Variants in PLCL1 observed in about 807,000 individuals in gnomAD.
PLCL1 encodes inactive phospholipase C-like protein 1.
In PLCL1, 41 loss-of-function variants were observed where a neutral mutation model predicts 84.4. The ratio of observed to expected loss-of-function variants is 0.49; its 90% confidence interval spans 0.38 to 0.63. The LOEUF (loss-of-function observed/expected upper bound fraction) is 0.63, where lower values mean the gene tolerates loss of function less well. PLCL1 is among the 30% of genes least tolerant of loss of function. PLCL1 has a pLI of 0.00. For synonymous variants in PLCL1, 490 were observed against 488.3 expected (o/e 1.00, Z -0.05); for missense variants, 1,206 against 1,367.8 (o/e 0.88, Z 1.87).
chr2:197,941,423 C>G (rs951827520), intron 1 of PLCL1, among the ~76,000 whole-genome samples: 1 of 152,040 alleles, frequency 6.6e-6, no homozygotes, highest in Admixed American at 6.5e-5. Context: ...TCCCAAGTAG[C>G]TGGGGCTGCA....
At chr2:197,897,707 T>C (rs533769144) in intron 1 of PLCL1, among the ~76,000 whole-genome samples, 2 of 152,320 alleles carry the variant, frequency 1.3e-5, no homozygotes, top group Admixed American at 1.3e-4. Flanking sequence ...CAGGTGAATA[T>C]GCATTAAAGG....
chr2:198,118,525 G>A (rs1356262991), intron 5 of PLCL1, among the ~76,000 whole-genome samples: 1 of 151,972 alleles, frequency 6.6e-6, no homozygotes, highest in Non-Finnish European at 1.5e-5. Flanking sequence ...CTGAACTACA[G>A]GAGACTTGAA....
chr2:198,039,055 A>G (rs1375241751), intron 1 of PLCL1, among the ~76,000 whole-genome samples: 1 of 152,146 alleles, frequency 6.6e-6, no homozygotes, highest in Non-Finnish European at 1.5e-5. Context: ...ATGACTGCTT[A>G]AAAACAAACC....
chr2:197,827,941 C>G (rs1333208871), intron 1 of PLCL1, among the ~76,000 whole-genome samples: 1 of 144,056 alleles, frequency 6.9e-6, no homozygotes, highest in East Asian at 2.0e-4. Flanking sequence ...GTTTCTATTA[C>G]TCTCACAGAT....
At chr2:198,004,432 T>C (rs953732157) in intron 1 of PLCL1, among the ~76,000 whole-genome samples, 1 of 152,196 alleles carries the variant, frequency 6.6e-6, no homozygotes, top group Admixed American at 6.5e-5. Context: ...CTTTATTGCA[T>C]TGACTGTGTC....
At chr2:197,848,863 A>G (rs903838246) in intron 1 of PLCL1, among the ~76,000 whole-genome samples, 1 of 152,126 alleles carries the variant, frequency 6.6e-6, no homozygotes, top group African/African-American at 2.4e-5. Flanking sequence ...GACAAGTACT[A>G]CCAGTCCTGG....
intron 1 of PLCL1, among the ~76,000 whole-genome samples, chr2:197,833,386 T>C (rs1254916789): frequency 1.3e-5 from 2 of 152,176 alleles, no homozygotes; most frequent in Non-Finnish European, 2.9e-5. Flanking sequence ...GGACATCAAG[T>C]TGTCTCTGTT....
chr2:197,979,576 G>A (rs952356235), intron 1 of PLCL1, among the ~76,000 whole-genome samples: 2 of 152,108 alleles, frequency 1.3e-5, no homozygotes, highest in Non-Finnish European at 2.9e-5. Flanking sequence ...CTCTGCTTAC[G>A]CACATTTTCT....
At chr2:198,119,206 T>C (rs1254060918) in intron 5 of PLCL1, among the ~76,000 whole-genome samples, 2 of 147,432 alleles carry the variant, frequency 1.4e-5, no homozygotes, top group East Asian at 2.0e-4. Context: ...TCAAATCTAA[T>C]ACATCCTTCT....
intron 1 of PLCL1, among the ~76,000 whole-genome samples, chr2:197,910,100 A>C (rs535185392): frequency 6.6e-6 from 1 of 152,350 alleles, no homozygotes; most frequent in South Asian, 2.1e-4. Context: ...ACAGGGATTT[A>C]GGTGAGGATT....
At chr2:198,124,619 A>G (rs559772696) in intron 5 of PLCL1, among the ~76,000 whole-genome samples, 1 of 152,214 alleles carries the variant, frequency 6.6e-6, no homozygotes, top group East Asian at 1.9e-4. Flanking sequence ...TCATTCAAAA[A>G]ACACAAACAA....
rs545828344 is a variant in PLCL1 at position 197,824,421 on chromosome 2, G to A, written c.240+19082G>A. Reference sequence around the variant, plus strand: ...GTAAAATTTGTGCTATATGCAAAACGTGAATGAAAACTTAAGTATTTAAAA... The same window carrying A: ...GTAAAATTTGTGCTATATGCAAAACATGAATGAAAACTTAAGTATTTAAAA... On this transcript the variant is annotated intron_variant, in intron 1 of 5. Transcript: ENST00000428675. 4.6e-5 allele frequency among the ~76,000 whole-genome samples: 7 copies of A among 151,634 alleles called. No individual in the cohort carries two copies. The South Asian group carries it at 1.3e-3, about 27-fold the overall frequency.
chr2:198,125,296 A>G (rs1469988929), intron 5 of PLCL1, among the ~76,000 whole-genome samples: 1 of 152,068 alleles, frequency 6.6e-6, no homozygotes, highest in Non-Finnish European at 1.5e-5. Flanking sequence ...TAGTCTTATG[A>G]GTATTGGGGT....
intron 1 of PLCL1, among the ~76,000 whole-genome samples, chr2:197,945,853 T>A (rs1689261245): frequency 6.6e-6 from 1 of 152,164 alleles, no homozygotes; most frequent in South Asian, 2.1e-4. Context: ...TTAACACCTG[T>A]CCAGTTATTA....
chr2:198,080,570 A>T (rs1350870133), intron 1 of PLCL1, among the ~76,000 whole-genome samples: 1 of 152,222 alleles, frequency 6.6e-6, no homozygotes, highest in Non-Finnish European at 1.5e-5. Flanking sequence ...TGGCTACTGA[A>T]AGAACAGCGT....
At chr2:197,863,313 C>T (rs898731599) in intron 1 of PLCL1, among the ~76,000 whole-genome samples, 3 of 151,824 alleles carry the variant, frequency 2.0e-5, no homozygotes, top group Non-Finnish European at 2.9e-5. Flanking sequence ...AATGTTTTCT[C>T]CATTAAAAAT....
At chr2:197,974,259 G>C (rs577992107) in intron 1 of PLCL1, among the ~76,000 whole-genome samples, 1 of 152,306 alleles carries the variant, frequency 6.6e-6, no homozygotes, top group Non-Finnish European at 1.5e-5. Flanking sequence ...AAAGATATCA[G>C]ACAGGCAGCT....
chr2:198,053,307 T>G (rs1190927715), intron 1 of PLCL1, among the ~76,000 whole-genome samples: 1 of 152,240 alleles, frequency 6.6e-6, no homozygotes, highest in Non-Finnish European at 1.5e-5. Context: ...TCCTAGCTCT[T>G]TCCCAGCTGG....
At chr2:198,144,430 G>A (rs1289072280) in intron 5 of PLCL1, among the ~76,000 whole-genome samples, 7 of 152,098 alleles carry the variant, frequency 4.6e-5, no homozygotes, top group African/African-American at 7.2e-5. Flanking sequence ...TCTGGTAGAT[G>A]CATTTTAAAT....
Sources: allele counts gnomAD v4.1 joint callset (sites outside exome capture counted in the v4.1 genomes callset), GRCh38; gene constraint gnomAD v4.1.1; transcripts MANE v1.5; gene names NCBI Gene and HGNC (gene_info 2026-07-23, HGNC 2026-07-21).